ICE2: variants seen among roughly 807,000 people sequenced by gnomAD.
The protein encoded by ICE2 is little elongation complex subunit 2.
In ICE2, 87 loss-of-function variants were observed where a neutral mutation model predicts 105.4. The observed-to-expected ratio is 0.83, with a 90% CI of 0.69 to 0.99. ICE2 has a LOEUF of 0.99. Among genes scored for constraint, ICE2 ranks in the 50% least tolerant of loss-of-function variants. The probability of loss-of-function intolerance (pLI) is 0.00; values close to 1 mark genes in which losing one functional copy is unlikely to be tolerated. For synonymous variants in ICE2, 399 were observed against 392.0 expected (o/e 1.02, Z -0.21); for missense variants, 1,323 against 1,146.7 (o/e 1.15, Z -2.22).
intron 12 of ICE2, chr15:60,441,395 CCTTT>C (rs2063716972): frequency 6.6e-6 from 1 of 152,128 alleles, no homozygotes; most frequent in Non-Finnish European, 1.5e-5. Flanking sequence ...AAGTGAATAA[CCTTT>C]CTTTGATTAA....
rs370322106 is a variant in ICE2 at position 60,449,697 on chromosome 15, T to G, written c.1270A>C (p.Thr424Pro). The change falls in exon 10 of 16, where the codon ACA (threonine) becomes CCA (proline). Residue 424 changes from threonine (T) to proline (P), a missense_variant. Coordinates refer to ENST00000261520, the MANE Select transcript of ICE2 (RefSeq NM_024611.6). ...GGAGCATCTGTCATGTTAGGTACTG[T>G]GGAAGTACTTGCTGGACTTGGTGAT... ...SKSPSPASTS[T>P]VPNMTDAPTA... is the part of the protein sequence containing the mutation. The G allele has an allele frequency of 1.2e-5, 19 of 1,614,032 alleles. No individual in the cohort carries two copies. Among genetic ancestry groups the G allele is most frequent in the Non-Finnish European group, 1.5e-5 (18 of 1,180,040 alleles).
At chr15:60,469,704 C>T (rs1319849122) in intron 3 of ICE2, among the ~76,000 whole-genome samples, 1 of 152,126 alleles carries the variant, frequency 6.6e-6, no homozygotes, top group Admixed American at 6.5e-5. Context: ...TCCCTGAATA[C>T]GCACATAGTT....
intron 15 of ICE2, among the ~76,000 whole-genome samples, chr15:60,425,670 T>C (rs1368559834): frequency 1.3e-5 from 2 of 152,204 alleles, no homozygotes; most frequent in African/African-American, 2.4e-5. Context: ...CTCGTGACTA[T>C]GGGATCACAT....
chr15:60,449,656 T>C lies in ICE2; in HGVS notation c.1311A>G (p.Ala437=). ...NMTDAPTAPK[A]GTTTVAPSAP... The stretch of plus-strand genomic sequence containing the variant: ...CACTTGGTGCCACAGTTGTAGTTCC[T>C]GCTTTGGGGGCTGTAGGAGCATCTG... Residue 437 remains alanine, a synonymous_variant, in exon 10 of 16, where the codon GCA becomes GCG. Coordinates refer to ENST00000261520, the MANE Select transcript of ICE2 (RefSeq NM_024611.6). 1.2e-6 allele frequency: 2 copies of C among 1,614,164 alleles called. No homozygotes were observed. The highest frequency in any genetic ancestry group is 8.5e-7 in the Non-Finnish European group (1 of 1,180,026).
intron 9 of ICE2, chr15:60,451,310 C>A: frequency 2.4e-6 from 2 of 844,510 alleles, no homozygotes; most frequent in South Asian, 1.1e-4. Flanking sequence ...TCCCAAGAAT[C>A]CAAAGGGCAT....
intron 14 of ICE2, among the ~76,000 whole-genome samples, chr15:60,430,567 C>A (rs1047326601): frequency 1.3e-5 from 2 of 152,116 alleles, no homozygotes; most frequent in South Asian, 2.1e-4. Context: ...GCATGAAGAA[C>A]AGAATATATA....
intron 9 of ICE2, chr15:60,451,244 A>T: frequency 1.6e-6 from 1 of 608,550 alleles, no homozygotes; most frequent in Non-Finnish European, 2.1e-6. Flanking sequence ...ATGAGAATAT[A>T]TATGAAAGAT....
chr15:60,474,032 CTAAG>C (rs1357954196), intron 3 of ICE2, among the ~76,000 whole-genome samples: 2 of 152,156 alleles, frequency 1.3e-5, no homozygotes, highest in East Asian at 3.9e-4. Flanking sequence ...CCTCAGCCTC[CTAAG>C]TAAGACTATA....
intron 5 of ICE2, among the ~76,000 whole-genome samples, chr15:60,459,488 AT>A (rs1403071559): frequency 6.6e-6 from 1 of 152,060 alleles, no homozygotes; most frequent in African/African-American, 2.4e-5. Flanking sequence ...ACTGTTCACC[AT>A]TAAGAGACCC....
intron 2 of ICE2, 112 bp from the exon 3 acceptor site, chr15:60,476,279 C>T: frequency 1.5e-6 from 1 of 653,636 alleles, no homozygotes; most frequent in Non-Finnish European, 2.7e-6. Context: ...ACCCCCCCAT[C>T]CCCAGACAAT....
At chr15:60,444,837 C>T (rs1013912748) in intron 11 of ICE2, among the ~76,000 whole-genome samples, 1 of 152,138 alleles carries the variant, frequency 6.6e-6, no homozygotes, top group Admixed American at 6.5e-5. Context: ...TGTGCACCAC[C>T]ACGCCTAGCT....
chr15:60,432,931 G>A (rs1255323143), intron 13 of ICE2, among the ~76,000 whole-genome samples: 1 of 152,074 alleles, frequency 6.6e-6, no homozygotes, highest in Non-Finnish European at 1.5e-5. Flanking sequence ...CAAACAAAAT[G>A]CTAAGAGGTC....
chr15:60,427,629 C>T (rs1244224255), intron 15 of ICE2, among the ~76,000 whole-genome samples: 1 of 152,172 alleles, frequency 6.6e-6, no homozygotes, highest in East Asian at 1.9e-4. Flanking sequence ...GTTGGTCAGG[C>T]TGGTCTCAAA....
chr15:60,463,028 A>T (rs1480937654), intron 5 of ICE2, among the ~76,000 whole-genome samples: 1 of 152,188 alleles, frequency 6.6e-6, no homozygotes, highest in Non-Finnish European at 1.5e-5. Flanking sequence ...ATTACAAGAC[A>T]CTCAATAATT....
chr15:60,473,614 A>G (rs1209279344), intron 3 of ICE2, among the ~76,000 whole-genome samples: 1 of 152,060 alleles, frequency 6.6e-6, no homozygotes, highest in African/African-American at 2.4e-5. Flanking sequence ...CTTTTTTTAA[A>G]GATAGACATA....
Position 60,420,647 on chromosome 15 carries a change from T to G in ICE2, c.*2987A>C, listed in dbSNP as rs980700758. On this transcript the variant is annotated 3_prime_UTR_variant, in exon 16 of 16. Coordinates refer to ENST00000261520, the MANE Select transcript of ICE2 (RefSeq NM_024611.6). The stretch of plus-strand genomic sequence containing the variant: ...AACTTTCACCTTTTCATAGGCTGCT[T>G]AGTTTCACTTAGTTTCTTTGTGGAA... 2 of 152,238 alleles carry G rather than the reference T, an allele frequency of 1.3e-5. No individual in the cohort carries two copies. Among genetic ancestry groups the G allele is most frequent in the Non-Finnish European group, 2.9e-5 (2 of 68,036 alleles). 9.4% of individuals were successfully genotyped at this position (152,238 alleles called of 1,614,324 possible).
At chr15:60,478,159 A>G (rs1274432695) in intron 1 of ICE2, 90 bp from the exon 2 acceptor site, 3 of 616,114 alleles carry the variant, frequency 4.9e-6, no homozygotes, top group Non-Finnish European at 8.7e-6. Context: ...CTAAACATCT[A>G]CCCTCAACAG....
intron 5 of ICE2, among the ~76,000 whole-genome samples, chr15:60,464,950 G>C (rs1567004840): frequency 6.6e-6 from 1 of 152,132 alleles, no homozygotes; most frequent in African/African-American, 2.4e-5. Context: ...GCTGCAGTGA[G>C]CTAGGATTGT....
chr15:60,445,409 C>G (rs2085038), intron 11 of ICE2: 227,308 of 229,828 alleles, frequency 0.99, 112,455 homozygotes, highest in Middle Eastern at 1. Context: ...ATATTTTGGA[C>G]AAACAGAGAT....
Sources: gnomAD v4.1 joint callset for allele counts (sites outside exome capture counted in the v4.1 genomes callset) on GRCh38, gnomAD v4.1.1 for gene constraint, MANE v1.5 for transcripts, NCBI Gene and HGNC (gene_info 2026-07-23, HGNC 2026-07-21) for gene names.